CXADR: variants seen among roughly 807,000 people sequenced by gnomAD.
CXADR encodes the protein coxsackievirus and adenovirus receptor.
Under a neutral mutation model 40.3 loss-of-function variants are expected in CXADR, and 20 were observed. The ratio of observed to expected loss-of-function variants is 0.50; its 90% CI spans 0.35 to 0.72. The LOEUF is 0.72. CXADR is among the 30% of genes least tolerant of loss of function. CXADR has a pLI of 0.01. For missense variants in CXADR, 332 were observed against 449.1 expected, an observed-to-expected ratio of 0.74 and a Z score of 2.36; for synonymous variants, 150 against 161.3, an observed-to-expected ratio of 0.93 and a Z score of 0.53.
chr21:17,591,527 T>C (rs535562549), intron 7 of CXADR, among the ~76,000 whole-genome samples: 151 of 152,130 alleles, frequency 9.9e-4, no homozygotes, highest in African/African-American at 3.4e-3. Context: ...AAAAGTTAAA[T>C]ACTTTGAGAT....
chr21:17,560,832 ATCT>A lies in CXADR; in HGVS notation c.694+13_694+15del, dbSNP rs756702902. On this transcript the variant is annotated intron_variant, in intron 5 of 6. Coordinates refer to ENST00000284878, the MANE Select transcript of CXADR (RefSeq NM_001338.5). ...GTCTAAACGTTGTCCCTCGTAAGTT[ATCT>A]TCTTTCTGTTGGTGGTTTTGTTTCT... is the stretch of plus-strand genomic sequence containing the variant. 1 of 1,612,234 alleles carries A rather than the reference ATCT, an allele frequency of 6.2e-7. No homozygotes were observed. Among genetic ancestry groups the A allele is most frequent in the Non-Finnish European group, 8.5e-7 (1 of 1,179,176 alleles).
intron 6 of CXADR, among the ~76,000 whole-genome samples, chr21:17,563,940 C>CAAAAAACAAAAAAAAAAAAAAAA (rs2061162190): frequency 2.7e-5 from 1 of 37,222 alleles, no homozygotes; most frequent in Non-Finnish European, 5.7e-5. Flanking sequence ...GACTCTGTCT[C>CAAAAAACAAAAAAAAAAAAAAAA]AAAAAAAAAA....
the CXADR span, among the ~76,000 whole-genome samples, chr21:17,611,256 C>T: frequency 6.6e-6 from 1 of 152,134 alleles, no homozygotes; most frequent in African/African-American, 2.4e-5. Flanking sequence ...ACATTAGCCT[C>T]CACTCCAGCA....
intron 1 of CXADR, 47 bp from the exon 2 acceptor site, chr21:17,546,980 G>C (rs760693550): frequency 3.7e-6 from 6 of 1,601,804 alleles, no homozygotes; most frequent in Non-Finnish European, 4.3e-6. Context: ...TGTGTGGGCT[G>C]TCAGCGTATA....
At chr21:17,530,104 A>G (rs1362833871) in intron 1 of CXADR, among the ~76,000 whole-genome samples, 1 of 131,646 alleles carries the variant, frequency 7.6e-6, no homozygotes, top group Non-Finnish European at 1.6e-5. Flanking sequence ...GCATGCCACC[A>G]TGCCAGGCTA....
intron 7 of CXADR, among the ~76,000 whole-genome samples, chr21:17,582,522 G>C (rs1208126590): frequency 6.6e-6 from 1 of 152,130 alleles, no homozygotes; most frequent in African/African-American, 2.4e-5. Context: ...TGGGAGCTCA[G>C]GGTCACCTGT....
chr21:17,580,630 A>C (rs988153195), intron 7 of CXADR, among the ~76,000 whole-genome samples: 1 of 152,164 alleles, frequency 6.6e-6, no homozygotes, highest in Admixed American at 6.5e-5. Context: ...ATACATAAAT[A>C]AAGATTAAAG....
chr21:17,581,630 G>T (rs935620409), intron 7 of CXADR, among the ~76,000 whole-genome samples: 2 of 112,838 alleles, frequency 1.8e-5, no homozygotes, highest in Admixed American at 1.0e-4. Flanking sequence ...GATCACTTGA[G>T]GCCAGGAGTT....
intron 6 of CXADR, among the ~76,000 whole-genome samples, chr21:17,563,440 G>C (rs113979009): frequency 0.014 from 2,078 of 151,922 alleles, 44 homozygotes; most frequent in African/African-American, 0.045. Flanking sequence ...GAGGATGTTG[G>C]GGGGGATGGC....
intron 7 of CXADR, among the ~76,000 whole-genome samples, chr21:17,576,198 C>CT (rs1207018080): frequency 6.6e-6 from 1 of 151,930 alleles, no homozygotes; most frequent in Non-Finnish European, 1.5e-5. Flanking sequence ...GCAGTAAGTG[C>CT]TTAATAGGCT....
chr21:17,594,380 A>C (rs1184052067), downstream of CXADR: 5 of 1,563,512 alleles, frequency 3.2e-6, no homozygotes, highest in Non-Finnish European at 4.3e-6. Flanking sequence ...AAAAATCATC[A>C]TCTATGTTCC....
chr21:17,525,015 T>C (rs887745547), intron 1 of CXADR, among the ~76,000 whole-genome samples: 2 of 152,166 alleles, frequency 1.3e-5, no homozygotes, highest in African/African-American at 4.8e-5. Flanking sequence ...GAAAAGACTT[T>C]CTTGATCTAT....
intron 1 of CXADR, among the ~76,000 whole-genome samples, chr21:17,524,097 T>C (rs1251658743): frequency 1.3e-5 from 2 of 151,582 alleles, no homozygotes; most frequent in Non-Finnish European, 1.5e-5. Flanking sequence ...TTTCACCATG[T>C]TGGCCAGCCT....
At chr21:17,556,554 T>C (rs2061039104) in intron 3 of CXADR, among the ~76,000 whole-genome samples, 1 of 152,236 alleles carries the variant, frequency 6.6e-6, no homozygotes, top group Non-Finnish European at 1.5e-5. Context: ...GCATCAGTTA[T>C]TTATTTGCTG....
chr21:17,521,404 C>T (rs1426629155), intron 1 of CXADR, among the ~76,000 whole-genome samples: 9 of 152,162 alleles, frequency 5.9e-5, no homozygotes, highest in African/African-American at 2.2e-4. Context: ...TTCACTACAA[C>T]TTCCACCTCC....
the CXADR span, among the ~76,000 whole-genome samples, chr21:17,628,804 A>T: frequency 6.6e-6 from 1 of 152,142 alleles, no homozygotes; most frequent in African/African-American, 2.4e-5. Context: ...TGCCCGGCCA[A>T]TGTCCCAGTT....
chr21:17,561,934 G>C (rs953847067), intron 6 of CXADR, among the ~76,000 whole-genome samples: 1 of 152,150 alleles, frequency 6.6e-6, no homozygotes, highest in South Asian at 2.1e-4. Flanking sequence ...AATTTTAGAA[G>C]TAATAACACA....
chr21:17,623,981 A>C, the CXADR span, among the ~76,000 whole-genome samples: 1 of 152,110 alleles, frequency 6.6e-6, no homozygotes, highest in African/African-American at 2.4e-5. Context: ...TGATGGCAAC[A>C]TTTGTCTAAT....
chr21:17,528,123 GATTGC>G (rs1437244585), intron 1 of CXADR, among the ~76,000 whole-genome samples: 1 of 141,456 alleles, frequency 7.1e-6, no homozygotes, highest in East Asian at 2.1e-4. Flanking sequence ...GCCCAGGCCG[GATTGC>G]AGTGGTGAGA....
Sources: allele counts gnomAD v4.1 joint callset (sites outside exome capture counted in the v4.1 genomes callset), GRCh38; gene constraint gnomAD v4.1.1; transcripts MANE v1.5; gene names NCBI Gene and HGNC (gene_info 2026-07-23, HGNC 2026-07-21).